The following NSUN6 variants were observed in gnomAD, a reference collection of about 807,000 sequenced individuals.
NSUN6 encodes the protein NOP2/Sun RNA methyltransferase 6.
In NSUN6, 64 loss-of-function variants were observed where a neutral mutation model predicts 58.0. The ratio of observed to expected loss-of-function variants is 1.10; its 90% CI spans 0.90 to 1.36. The LOEUF (loss-of-function observed/expected upper bound fraction) is 1.36, where lower values mean the gene tolerates loss of function less well. Ranked by LOEUF, NSUN6 falls within the 40% of genes most tolerant of loss-of-function variation. NSUN6 has a pLI of 0.00. For missense variants in NSUN6, 701 were observed against 550.1 expected (o/e 1.27, Z -2.74); for synonymous variants, 231 against 193.9 (o/e 1.19, Z -1.59).
intron 6 of NSUN6, among the ~76,000 whole-genome samples, chr10:18,597,259 T>A (rs1404034795): frequency 6.6e-6 from 1 of 152,140 alleles, no homozygotes; most frequent in Non-Finnish European, 1.5e-5. Context: ...GATAGAACAG[T>A]ATCATAAAAT....
At chr10:18,592,730 A>T (rs998485223) in intron 7 of NSUN6, among the ~76,000 whole-genome samples, 1 of 152,212 alleles carries the variant, frequency 6.6e-6, no homozygotes, top group African/African-American at 2.4e-5. Context: ...TAAAAACTTA[A>T]ATGTAAAACC....
At chr10:18,654,880 A>G (rs764318771), upstream of NSUN6, 25 of 181,616 alleles carry the variant, frequency 1.4e-4, no homozygotes, top group Non-Finnish European at 1.2e-4. Flanking sequence ...TCAAAAAATA[A>G]AAAAATAAAT....
In NSUN6 at chr10:18,554,883, A is replaced by G. The variant is rs977373659; in HGVS notation, c.923-2912T>C. ...GGACTGGGAAATGGGATGGAATATA[A>G]TGGAGAATGGAATGGAATAGAGAAT... On this transcript the variant is annotated intron_variant, in intron 8 of 10. Coordinates refer to ENST00000377304, the MANE Select transcript of NSUN6 (RefSeq NM_182543.5). 5.3e-5 allele frequency among the ~76,000 whole-genome samples: 8 copies of G among 151,022 alleles called. No homozygotes were observed. In the South Asian group the frequency reaches 6.3e-4, roughly 12 times the overall value.
intron 6 of NSUN6, among the ~76,000 whole-genome samples, chr10:18,602,619 C>T (rs1029849320): frequency 6.6e-6 from 1 of 152,194 alleles, no homozygotes; most frequent in Middle Eastern, 3.2e-3. Flanking sequence ...ATCCACCTGC[C>T]TTGGCCTCCC....
chr10:18,605,170 C>G (rs1005854110), intron 6 of NSUN6, among the ~76,000 whole-genome samples: 12 of 150,700 alleles, frequency 8.0e-5, no homozygotes, highest in Non-Finnish European at 1.8e-4. Context: ...CAGGCGTGAG[C>G]CACCGTGCCT....
Position 18,648,631 on chromosome 10 carries a change from T to C in NSUN6, c.90A>G (p.Leu30=). Residue 30 remains leucine (L), a synonymous_variant, in exon 2 of 11, where the codon TTA becomes TTG. Coordinates refer to ENST00000377304, the MANE Select transcript of NSUN6 (RefSeq NM_182543.5). ...ACTTCCTTTCTGCTTCTTGTTTACC[T>C]AAAGCAGTCACAATCTAAAAAGAAG... ...GFMNKEIVTA[L]GKQEAERKFE... 6.3e-7 allele frequency: 1 copy of C among 1,579,448 alleles called. No individual in the cohort carries two copies.
At chr10:18,582,344 C>G (rs532642684) in intron 8 of NSUN6, among the ~76,000 whole-genome samples, 42 of 152,298 alleles carry the variant, frequency 2.8e-4, no homozygotes, top group African/African-American at 9.9e-4. Context: ...TAGCTACCTA[C>G]TGTAACAAAC....
chr10:18,652,771 GCTGGTCT>G, upstream of NSUN6: 1 of 451,328 alleles, frequency 2.2e-6, no homozygotes, highest in Non-Finnish European at 2.9e-6. Flanking sequence ...TGCTGGCCAG[GCTGGTCT>G]CAAACTCCTG....
intron 8 of NSUN6, among the ~76,000 whole-genome samples, chr10:18,572,655 T>TCATTC (rs1222606244): frequency 6.8e-6 from 1 of 147,242 alleles, no homozygotes; most frequent in African/African-American, 2.5e-5. Flanking sequence ...ATTCCATTCT[T>TCATTC]CATTCCATTC....
At chr10:18,555,125 G>C (rs969909220) in intron 8 of NSUN6, among the ~76,000 whole-genome samples, 1 of 149,556 alleles carries the variant, frequency 6.7e-6, no homozygotes, top group Non-Finnish European at 1.5e-5. Context: ...GAAAGGAAAT[G>C]GAGAATGTAA....
chr10:18,608,495 G>T (rs2058117124), intron 6 of NSUN6, among the ~76,000 whole-genome samples: 1 of 151,892 alleles, frequency 6.6e-6, no homozygotes, highest in African/African-American at 2.4e-5. Context: ...AAATTAGCAG[G>T]GTGCGGTGGC....
chr10:18,553,046 C>A (rs1207576433), intron 8 of NSUN6, among the ~76,000 whole-genome samples: 3 of 151,842 alleles, frequency 2.0e-5, no homozygotes, highest in Non-Finnish European at 2.9e-5. Flanking sequence ...CTTCTCCATT[C>A]CATTTCCCAA....
intron 6 of NSUN6, among the ~76,000 whole-genome samples, chr10:18,605,771 G>C (rs1157818439): frequency 6.6e-6 from 1 of 152,108 alleles, no homozygotes; most frequent in African/African-American, 2.4e-5. Flanking sequence ...TAATGGTAAG[G>C]GGGTGCAACA....
At chr10:18,658,006 T>C (rs1370197114), upstream of NSUN6, among the ~76,000 whole-genome samples, 3 of 149,040 alleles carry the variant, frequency 2.0e-5, no homozygotes, top group Non-Finnish European at 4.4e-5. Flanking sequence ...AAGCAGAATG[T>C]GGTTTACATC....
At chr10:18,553,083 T>C (rs2054713565) in intron 8 of NSUN6, among the ~76,000 whole-genome samples, 1 of 151,392 alleles carries the variant, frequency 6.6e-6, no homozygotes, top group Admixed American at 6.6e-5. Flanking sequence ...TTAAATTCCA[T>C]CTTCAGTTCG....
intron 7 of NSUN6, 28 bp from the exon 8 acceptor site, chr10:18,586,121 A>AT: frequency 7.4e-6 from 11 of 1,492,242 alleles, no homozygotes; most frequent in Non-Finnish European, 9.9e-6. Flanking sequence ...ACACACATGC[A>AT]GAAAAAAAAA....
At chr10:18,623,237 A>G (rs2058672517) in intron 3 of NSUN6, among the ~76,000 whole-genome samples, 1 of 152,208 alleles carries the variant, frequency 6.6e-6, no homozygotes, top group African/African-American at 2.4e-5. Context: ...TGTTTACTGT[A>G]TATAAAGTTT....
At chr10:18,553,929 G>A (rs1330677823) in intron 8 of NSUN6, among the ~76,000 whole-genome samples, 1 of 149,762 alleles carries the variant, frequency 6.7e-6, no homozygotes, top group African/African-American at 2.5e-5. Context: ...ATGGAGAACG[G>A]TATGGAATGG....
rs568650255 is a variant in NSUN6, at chr10:18,635,446, C to T, written c.311+7030G>A. Among the ~76,000 whole-genome samples, 162 of 152,114 alleles carry T rather than the reference C, an allele frequency of 1.1e-3. 1 individual carries two copies. The highest frequency in any genetic ancestry group is 3.8e-3 in the African/African-American group (159 of 41,486). ...AAACGCAGCACACAAAGTCCTGCTG[C>T]CTTTATAACAGAGAATACAGAAAAG... is the stretch of plus-strand genomic sequence containing the variant. On this transcript the variant is annotated intron_variant, in intron 3 of 10. Coordinates refer to ENST00000377304, the MANE Select transcript of NSUN6 (RefSeq NM_182543.5).
Sources: allele counts gnomAD v4.1 joint callset (sites outside exome capture counted in the v4.1 genomes callset), GRCh38; gene constraint gnomAD v4.1.1; transcripts MANE v1.5; gene names NCBI Gene and HGNC (gene_info 2026-07-23, HGNC 2026-07-21).